LRRC56: variants seen among roughly 807,000 people sequenced by gnomAD.
LRRC56 encodes the protein leucine rich repeat containing 56, also known as leucine-rich repeat-containing protein 56.
In LRRC56, 41 loss-of-function variants were observed where a neutral mutation model predicts 47.8. The observed-to-expected ratio is 0.86, with a 90% CI of 0.67 to 1.11. LRRC56 has a LOEUF of 1.11. LRRC56 is among the 50% of genes most tolerant of loss of function. LRRC56 has a pLI of 0.00. For synonymous variants in LRRC56, 387 were observed against 311.2 expected, an observed-to-expected ratio of 1.24 and a Z score of -2.56; for missense variants, 759 against 704.2, an observed-to-expected ratio of 1.08 and a Z score of -0.88.
chr11:518,799 C>A, the LRRC56 span, among the ~76,000 whole-genome samples: 2 of 152,082 alleles, frequency 1.3e-5, no homozygotes, highest in African/African-American at 4.8e-5. Flanking sequence ...CGCGGCGCCC[C>A]CTCCTGGATG....
upstream of LRRC56, chr11:534,441 G>A (rs1163900306): frequency 1.9e-5 from 15 of 801,288 alleles, no homozygotes; most frequent in Admixed American, 1.4e-4. Flanking sequence ...GCAGCTGCTG[G>A]CAGGGCCATC....
At chr11:524,803 T>C in the LRRC56 span, among the ~76,000 whole-genome samples, 2 of 151,156 alleles carry the variant, frequency 1.3e-5, no homozygotes, top group Admixed American at 1.3e-4. Flanking sequence ...GTATAAAATA[T>C]AAAAACTGGT....
At chr11:549,825 C>T in intron 6 of LRRC56, 77 bp from the exon 7 acceptor site, 1 of 1,338,300 alleles carries the variant, frequency 7.5e-7, no homozygotes, top group Non-Finnish European at 1.1e-6. Context: ...GCCCCTACCC[C>T]TGAAGACAGC....
chr11:544,852 GGGGGAGAACTTGGTGGGAGT>G, intron 6 of LRRC56, 72 bp downstream of exon 6: 1 of 1,425,802 alleles, frequency 7.0e-7, no homozygotes, highest in Non-Finnish European at 9.8e-7. Context: ...TGCAGGGATG[GGGGGAGAACTTGGTGGGAGT>G]GGGGGGACTT....
intron 4 of LRRC56, 129 bp downstream of exon 4, chr11:540,990 C>A: frequency 1.2e-6 from 1 of 809,892 alleles, no homozygotes; most frequent in Non-Finnish European, 1.9e-6. Context: ...GATGGTTGGC[C>A]TCAGCCCAGC....
chr11:510,863 C>T, the LRRC56 span, among the ~76,000 whole-genome samples: 1 of 151,806 alleles, frequency 6.6e-6, no homozygotes, highest in Non-Finnish European at 1.5e-5. Context: ...GAGCAGAGAC[C>T]ACACCACTGC....
chr11:520,958 C>T, the LRRC56 span, among the ~76,000 whole-genome samples: 1 of 152,232 alleles, frequency 6.6e-6, no homozygotes, highest in Non-Finnish European at 1.5e-5. Context: ...TTATTCATCT[C>T]AGCTGCTGTT....
intron 13 of LRRC56, 140 bp from the exon 14 acceptor site, chr11:553,823 G>A (rs971829932): frequency 3.2e-5 from 23 of 714,646 alleles, no homozygotes; most frequent in Admixed American, 7.2e-5. Context: ...AAAGTGGGGT[G>A]CAGGGGTGCT....
Position 550,058 on chromosome 11 carries a change from C to T in LRRC56, c.424-14C>T, listed in dbSNP as rs200349494. 56 of 1,611,180 alleles carry T rather than the reference C, an allele frequency of 3.5e-5. No homozygotes were observed. Among genetic ancestry groups the T allele is most frequent in the Non-Finnish European group, 4.6e-5 (54 of 1,178,482 alleles). ...GCTGGGCCGGGCCCTGGCTCAGAGC[C>T]CCGCGCTGCCCAGGAACTCTACGCC... On this transcript the variant is annotated splice_polypyrimidine_tract_variant and intron_variant, in intron 7 of 13. Transcript: ENST00000270115.
rs570678138 is a variant in LRRC56 at position 553,659 on chromosome 11, C to T, written c.1316-304C>T. Among the ~76,000 whole-genome samples, 31 of 152,304 alleles carry T rather than the reference C, an allele frequency of 2.0e-4. No homozygotes were observed. In the East Asian group the frequency reaches 3.9e-3, roughly 19 times the overall value. On this transcript the variant is annotated intron_variant, in intron 13 of 13. Transcript: ENST00000270115. ...TGAACAGGCTCTCAGGGTCAGGACA[C>T]AGATGACCGAGGGTCAGAGCCAGGC...
chr11:546,431 G>A (rs576361711), intron 6 of LRRC56, among the ~76,000 whole-genome samples: 11 of 152,224 alleles, frequency 7.2e-5, no homozygotes, highest in South Asian at 2.1e-4. Context: ...AGCCGGGCGT[G>A]GTGGTGGGCG....
chr11:533,529 A>C (rs981155119), upstream of LRRC56: 1 of 1,613,828 alleles, frequency 6.2e-7, no homozygotes, highest in Admixed American at 1.7e-5. Context: ...CCGAGATTCC[A>C]CAGTGCGTGC....
intron 2 of LRRC56, 29 bp from the exon 3 acceptor site, chr11:539,550 AT>A (rs5789201): frequency 0.055 from 7,141 of 129,474 alleles, 475 homozygotes; most frequent in African/African-American, 0.18. Flanking sequence ...ACGCCAGCTA[AT>A]TTTTTTTTTT....
upstream of LRRC56, chr11:534,124 A>G: frequency 1.6e-6 from 2 of 1,229,692 alleles, no homozygotes; most frequent in Admixed American, 1.7e-5. Flanking sequence ...CATGCAGGGG[A>G]CCAGGGGCTG....
At chr11:534,180 T>A (rs766672331), upstream of LRRC56, 2 of 1,545,372 alleles carry the variant, frequency 1.3e-6, no homozygotes, top group Non-Finnish European at 1.8e-6. Context: ...CCGCAGCAGC[T>A]GCTGGCACCT....
intron 6 of LRRC56, among the ~76,000 whole-genome samples, chr11:546,184 C>T (rs1300209885): frequency 1.3e-5 from 2 of 151,014 alleles, no homozygotes; most frequent in Non-Finnish European, 3.0e-5. Context: ...GCAGGAGAGT[C>T]GCTGCAGTGA....
Position 541,601 on chromosome 11 carries a change from G to A in LRRC56, c.242G>A (p.Arg81His), listed in dbSNP as rs116866926. The A allele has an allele frequency of 6.3e-6, 10 of 1,584,220 alleles. No individual in the cohort carries two copies. The East Asian group carries it at 7.1e-5, about 11-fold the overall frequency. Residue 81 changes from arginine (R) to histidine (H), a missense_variant, in exon 5 of 14, where the codon CGT becomes CAT. Coordinates refer to ENST00000270115, the MANE Select transcript of LRRC56 (RefSeq NM_198075.4). The surrounding 1 kb of genome is among the most constrained non-coding windows in gnomAD (Gnocchi z 4.1). Reference protein sequence around the residue: ...VRTLEMCVDTREGSLGNFGVH... With the variant: ...VRTLEMCVDTHEGSLGNFGVH... ...ACGCTGGAGATGTGTGTGGACACTC[G>A]TGAGGGCAGCCTGGGGAACTTTGGT... is the stretch of plus-strand genomic sequence containing the variant.
chr11:540,316 G>A (rs1272040505), intron 3 of LRRC56, among the ~76,000 whole-genome samples: 1 of 152,196 alleles, frequency 6.6e-6, no homozygotes, highest in African/African-American at 2.4e-5. Flanking sequence ...ACCGGCAGCT[G>A]GCCCGGCACC....
At chr11:535,817 G>A (rs1851465247), upstream of LRRC56, among the ~76,000 whole-genome samples, 1 of 152,244 alleles carries the variant, frequency 6.6e-6, no homozygotes, top group East Asian at 1.9e-4. Flanking sequence ...GGGAGCCGGT[G>A]TCTGGGGGCC....
Sources: gnomAD v4.1 joint callset for allele counts (sites outside exome capture counted in the v4.1 genomes callset) on GRCh38, gnomAD v4.1.1 for gene constraint, Gnocchi (gnomAD v3.1) non-coding constraint, MANE v1.5 for transcripts, NCBI Gene and HGNC (gene_info 2026-07-23, HGNC 2026-07-21) for gene names.